The following TNRC6C variants were observed in gnomAD, a reference collection of about 807,000 sequenced individuals.
The protein encoded by TNRC6C is trinucleotide repeat containing adaptor 6C.
Under a neutral mutation model 153.7 loss-of-function variants are expected in TNRC6C, and 20 were observed. That is an observed-to-expected ratio of 0.13 (90% CI 0.09 to 0.19). The LOEUF (loss-of-function observed/expected upper bound fraction) is 0.19. TNRC6C is among the 10% of genes least tolerant of loss of function. TNRC6C has a pLI of 1.00. For missense variants in TNRC6C, 1,987 were observed against 2,172.0 expected (o/e 0.91, Z 1.69); for synonymous variants, 811 against 841.4 (o/e 0.96, Z 0.63).
At chr17:78,080,043 A>G (rs1026945405) in intron 10 of TNRC6C, among the ~76,000 whole-genome samples, 3 of 152,236 alleles carry the variant, frequency 2.0e-5, no homozygotes, top group Non-Finnish European at 4.4e-5. Context: ...TGTATATATT[A>G]TAGATTTTCA....
chr17:78,070,725 TAA>T (rs2144283753), intron 5 of TNRC6C, among the ~76,000 whole-genome samples: 1 of 152,334 alleles, frequency 6.6e-6, no homozygotes, highest in South Asian at 2.1e-4. Flanking sequence ...GCAAAAAGTG[TAA>T]TTTTTAGTAA....
At position 78,097,708 on chromosome 17, in the gene TNRC6C, G is replaced by A. The variant is rs746915346; in HGVS notation, c.4307-635G>A. 169 of 1,456,172 alleles carry A rather than the reference G, an allele frequency of 1.2e-4. 5 individuals carry two copies. In the South Asian group the frequency reaches 1.2e-3, roughly 11 times the overall value. The allele number at this position is 1,456,172 out of a possible 1,614,324, so 90.2% of individuals were successfully genotyped here. On this transcript the variant is annotated intron_variant, in intron 16 of 19. Transcript: ENST00000301624. ...AGTTAGAGTCATGAACCCGGACACC[G>A]CCACCACCTTGCTCAGTGCCGTGTT...
intron 11 of TNRC6C, among the ~76,000 whole-genome samples, chr17:78,085,842 GTT>G (rs11351810): frequency 5.6e-5 from 8 of 142,746 alleles, no homozygotes; most frequent in Admixed American, 7.0e-5. Context: ...TTGGTTTTTT[GTT>G]TTTTTTTTTT....
intron 18 of TNRC6C, 173 bp downstream of exon 21, chr17:78,102,717 C>T (rs933670399): frequency 1.8e-5 from 11 of 601,462 alleles, no homozygotes; most frequent in African/African-American, 7.6e-5. Context: ...GCTCCAGCAG[C>T]GGCAGCAGAT....
intron 3 of TNRC6C, among the ~76,000 whole-genome samples, chr17:78,055,773 G>A (rs1384894753): frequency 6.6e-6 from 1 of 152,154 alleles, no homozygotes; most frequent in Non-Finnish European, 1.5e-5. Flanking sequence ...CATGTATGGA[G>A]CATTTTTATG....
intron 14 of TNRC6C, 55 bp downstream of exon 16, chr17:78,091,662 C>T (rs149318743): frequency 0.01 from 14,387 of 1,370,826 alleles, 127 homozygotes; most frequent in South Asian, 0.029. Context: ...ATTAATCGAT[C>T]GTCCTGTTGT....
At chr17:77,972,035 G>A (rs1479216284) in intron 1 of TNRC6C, among the ~76,000 whole-genome samples, 4 of 151,810 alleles carry the variant, frequency 2.6e-5, no homozygotes, top group Non-Finnish European at 5.9e-5. Context: ...AAACTAAACC[G>A]ATGGCAAACA....
At chr17:78,028,744 G>GT (rs758467397) in intron 1 of TNRC6C, among the ~76,000 whole-genome samples, 22 of 152,258 alleles carry the variant, frequency 1.4e-4, no homozygotes, top group Non-Finnish European at 2.6e-4. Context: ...TACATAAAAG[G>GT]TATGTACAGA....
intron 1 of TNRC6C, among the ~76,000 whole-genome samples, chr17:77,978,449 G>A (rs960877882): frequency 3.9e-5 from 6 of 152,026 alleles, no homozygotes; most frequent in South Asian, 2.1e-4. Context: ...CCCTGCCGCC[G>A]GGAACTAAAA....
intron 3 of TNRC6C, among the ~76,000 whole-genome samples, chr17:78,054,614 G>C (rs1255312451): frequency 6.6e-6 from 1 of 151,536 alleles, no homozygotes; most frequent in East Asian, 1.9e-4. Context: ...GCAGACTACT[G>C]TAGACTAGTA....
At chr17:78,102,075 A>T (rs546580460) in intron 17 of TNRC6C, among the ~76,000 whole-genome samples, 1 of 152,346 alleles carries the variant, frequency 6.6e-6, no homozygotes, top group Non-Finnish European at 1.5e-5. Context: ...GGCAGCCTTC[A>T]GGGATTTGCT....
At chr17:78,006,665 C>T (rs753275966) in intron 1 of TNRC6C, among the ~76,000 whole-genome samples, 4 of 149,858 alleles carry the variant, frequency 2.7e-5, no homozygotes, top group Non-Finnish European at 5.9e-5. Context: ...TGGTTTAGTA[C>T]CAGCTATATT....
intron 1 of TNRC6C, among the ~76,000 whole-genome samples, chr17:78,009,909 G>C (rs1472903688): frequency 2.0e-5 from 3 of 151,170 alleles, no homozygotes; most frequent in African/African-American, 7.3e-5. Context: ...TGAGAGAGAG[G>C]GTCTAACTCT....
At chr17:78,056,625 G>A (rs560797986) in intron 3 of TNRC6C, among the ~76,000 whole-genome samples, 10 of 151,878 alleles carry the variant, frequency 6.6e-5, no homozygotes, top group African/African-American at 1.7e-4. Flanking sequence ...CACCACGCTC[G>A]GCTAATTTTT....
chr17:78,071,088 A>G (rs1372283507), exon 6 of TNRC6C: 3 of 1,602,308 alleles, frequency 1.9e-6, no homozygotes, highest in Non-Finnish European at 1.7e-6. Context: ...GTTCAAGGGC[A>G]TGAAGACGTC....
Position 78,016,153 on chromosome 17 carries a change from C to G in TNRC6C, c.-546+11074C>G, listed in dbSNP as rs146725298. 1.7e-3 allele frequency among the ~76,000 whole-genome samples: 257 copies of G among 152,312 alleles called. 1 individual carries two copies. The highest frequency in any genetic ancestry group is 5.7e-3 in the African/African-American group (235 of 41,574). The stretch of plus-strand genomic sequence containing the variant: ...TACCTCCAGGAATAATTGAGAGGCC[C>G]TATTGGCTCTCTTGACTTCTAGAGC... On this transcript the variant is annotated intron_variant, in intron 1 of 19. Transcript: ENST00000301624.
intron 1 of TNRC6C, among the ~76,000 whole-genome samples, chr17:77,967,870 C>G (rs1221405074): frequency 6.6e-6 from 1 of 152,144 alleles, no homozygotes; most frequent in Non-Finnish European, 1.5e-5. Context: ...AGACTTATAT[C>G]CCGCCCTCCT....
In TNRC6C at chr17:78,031,898, A is replaced by G. The variant is rs779109501; in HGVS notation, c.-219+56A>G. On this transcript the variant is annotated intron_variant, in intron 2 of 19. Transcript: ENST00000301624. The stretch of plus-strand genomic sequence containing the variant: ...TGATCTGAAAACTTTGCTATTTTCA[A>G]CTTTGCTGCTGAGCAATAGAAATAG... 43 of 1,227,250 alleles carry G rather than the reference A, an allele frequency of 3.5e-5. No homozygotes were observed. The South Asian group carries it at 7.1e-4, about 20-fold the overall frequency. 76.0% of individuals were successfully genotyped at this position (1,227,250 alleles called of 1,614,324 possible). A position where few individuals can be genotyped will look rare whatever the true frequency, so the allele number is the denominator to read the frequency against.
At chr17:78,069,524 C>A (rs964213399) in intron 5 of TNRC6C, among the ~76,000 whole-genome samples, 1 of 152,174 alleles carries the variant, frequency 6.6e-6, no homozygotes, top group Non-Finnish European at 1.5e-5. Context: ...GCTGGGTCTA[C>A]AGGTGCATGC....
Sources: allele counts gnomAD v4.1 joint callset (sites outside exome capture counted in the v4.1 genomes callset), GRCh38; gene constraint gnomAD v4.1.1; transcripts MANE v1.5; gene names NCBI Gene and HGNC (gene_info 2026-07-23, HGNC 2026-07-21).